Variants in TP73 observed in about 807,000 individuals in gnomAD.
The protein encoded by TP73 is p53-like transcription factor.
A neutral mutation model predicts 62.5 loss-of-function variants in TP73; 25 were observed. That is an observed-to-expected ratio of 0.40 (90% confidence interval 0.29 to 0.56). The LOEUF is 0.56. Among genes scored for constraint, TP73 ranks in the 20% least tolerant of loss-of-function variants. The pLI is 0.46. For synonymous variants in TP73, 423 were observed against 377.5 expected, an observed-to-expected ratio of 1.12 and a Z score of -1.40; for missense variants, 754 against 913.3, an observed-to-expected ratio of 0.83 and a Z score of 2.25.
At chr1:3,678,367 C>A (rs1645422168) in intron 1 of TP73, among the ~76,000 whole-genome samples, 1 of 151,960 alleles carries the variant, frequency 6.6e-6, no homozygotes, top group South Asian at 2.1e-4. Context: ...CGTCCCTGCA[C>A]CCCCAACAGA....
chr1:3,697,032 C>G (rs774408011), intron 3 of TP73, among the ~76,000 whole-genome samples: 2 of 152,182 alleles, frequency 1.3e-5, no homozygotes, highest in Non-Finnish European at 2.9e-5. Context: ...GGGATGGTGC[C>G]GTGTCTCAGC....
chr1:3,727,816 G>C, intron 8 of TP73, 46 bp downstream of exon 8: 1 of 1,483,078 alleles, frequency 6.7e-7, no homozygotes, highest in Non-Finnish European at 9.0e-7. Flanking sequence ...GAGGAGAAGG[G>C]GACACATTGG....
In TP73 at chr1:3,735,779, C is replaced by G. The variant is rs1642425511; in HGVS notation, c.*2700C>G. ...GCTCAGAGAGGCAAGGCAGAAGGAG[C>G]TCGCCAGGCAGGTCAGCTCACATCT... On this transcript the variant is annotated 3_prime_UTR_variant, in exon 14 of 14. Transcript: ENST00000378295. 6.6e-6 allele frequency: 1 copy of G among 152,218 alleles called. No homozygotes were observed. Among genetic ancestry groups the G allele is most frequent in the African/African-American group, 2.4e-5 (1 of 41,438 alleles). 9.4% of individuals were successfully genotyped at this position (152,218 alleles called of 1,614,324 possible).
In TP73 at chr1:3,672,408, G is replaced by A. The variant is rs1004869816; in HGVS notation, c.-33-9925G>A. Among the ~76,000 whole-genome samples, 4 of 152,082 alleles carry A rather than the reference G, an allele frequency of 2.6e-5. No homozygotes were observed. Among genetic ancestry groups the A allele is most frequent in the African/African-American group, 7.2e-5 (3 of 41,402 alleles). ...AGAAAGGGGGTGTGAGAGGAGGATC[G>A]GAGGGGGCAGAGGACAGGGATGTGT... is the stretch of plus-strand genomic sequence containing the variant. On this transcript the variant is annotated intron_variant, in intron 1 of 13. Coordinates refer to ENST00000378295, the MANE Select transcript of TP73 (RefSeq NM_005427.4). This position sits in a 1 kb window ranked among gnomAD's most constrained non-coding sequence, Gnocchi z 5.3.
intron 4 of TP73, among the ~76,000 whole-genome samples, chr1:3,721,794 A>G (rs943587606): frequency 6.6e-5 from 10 of 152,074 alleles, no homozygotes; most frequent in African/African-American, 2.4e-4. Context: ...ATGGAGCCCA[A>G]ATGACCCGAT....
chr1:3,700,938 T>C (rs1639109892), intron 3 of TP73, among the ~76,000 whole-genome samples: 1 of 152,176 alleles, frequency 6.6e-6, no homozygotes, highest in Non-Finnish European at 1.5e-5. Flanking sequence ...CCCCTCCAGC[T>C]CCTGGCCGGT....
chr1:3,706,566 C>T lies in TP73; in HGVS notation c.187-983C>T, dbSNP rs572033984. ...TGAGCCTCGGGGGTCACAGGGAAAGCGCTGTTTATACATGTGCAGTCTTCC... is the reference window on the plus strand; with the variant it reads ...TGAGCCTCGGGGGTCACAGGGAAAGTGCTGTTTATACATGTGCAGTCTTCC... On this transcript the variant is annotated intron_variant, in intron 3 of 13. Coordinates refer to ENST00000378295, the MANE Select transcript of TP73 (RefSeq NM_005427.4). Among the ~76,000 whole-genome samples, 5 of 152,114 alleles carry T rather than the reference C, an allele frequency of 3.3e-5. No homozygotes were observed. In the South Asian group the frequency reaches 6.2e-4, roughly 19 times the overall value.
rs528850578 is a variant in TP73 at position 3,697,355 on chromosome 1, AC to A, written c.187-10193del. ...CCCCCTGGGCTCCGTCTCTCCCTGC[AC>A]AGGCCCTCGGCCCTTCCTCTGGCTG... is the stretch of plus-strand genomic sequence containing the variant. On this transcript the variant is annotated intron_variant, in intron 3 of 13. Coordinates refer to ENST00000378295, the MANE Select transcript of TP73 (RefSeq NM_005427.4). 6.6e-5 allele frequency among the ~76,000 whole-genome samples: 10 copies of A among 152,278 alleles called. No homozygotes were observed. In the South Asian group the frequency reaches 2.1e-3, roughly 32 times the overall value.
Position 3,689,248 on chromosome 1 carries a change from AC to A in TP73, c.186+6073del, listed in dbSNP as rs1645745901. Among the ~76,000 whole-genome samples, 3 of 151,428 alleles carry A rather than the reference AC, an allele frequency of 2.0e-5. 1 individual carries two copies. The East Asian group carries it at 5.9e-4, about 30-fold the overall frequency. On this transcript the variant is annotated intron_variant, in intron 3 of 13. Transcript: ENST00000378295. ...GAACATCCAGTCTGGGCCCCAGCCG[AC>A]CCCCTGCAGGGGGCTTCCCAGAGAC...
chr1:3,678,866 A>C (rs1015326309), intron 1 of TP73, among the ~76,000 whole-genome samples: 2 of 152,160 alleles, frequency 1.3e-5, no homozygotes, highest in Admixed American at 1.3e-4. Flanking sequence ...ACACGCCTGC[A>C]CCTGGAGGCC....
intron 1 of TP73, among the ~76,000 whole-genome samples, chr1:3,655,948 C>T (rs1204824819): frequency 8.5e-5 from 13 of 152,138 alleles, no homozygotes; most frequent in African/African-American, 2.4e-4. Context: ...GAGGCTGAGG[C>T]GGGTGGATCA....
chr1:3,721,195 T>C (rs1361653092), intron 4 of TP73, among the ~76,000 whole-genome samples: 4 of 152,230 alleles, frequency 2.6e-5, no homozygotes, highest in East Asian at 3.9e-4. Flanking sequence ...GGTCCTCAGA[T>C]GGGCAGCCGG....
chr1:3,667,749 CAA>C (rs543070938), intron 1 of TP73, among the ~76,000 whole-genome samples: 29 of 85,396 alleles, frequency 3.4e-4, no homozygotes, highest in Non-Finnish European at 4.2e-4. Context: ...GATTCTGTCT[CAA>C]AAAAAAAAAA....
intron 11 of TP73, 141 bp from the exon 12 acceptor site, chr1:3,730,785 GC>G: frequency 8.6e-7 from 1 of 1,159,440 alleles, no homozygotes; most frequent in Non-Finnish European, 1.2e-6. Flanking sequence ...CAAGCCTCTA[GC>G]TGGCAGGGGT....
At chr1:3,671,637 C>T (rs1001174187) in intron 1 of TP73, among the ~76,000 whole-genome samples, 14 of 152,246 alleles carry the variant, frequency 9.2e-5, no homozygotes, top group African/African-American at 1.4e-4. Flanking sequence ...CTGAGATGTG[C>T]GGCCCTGGGC....
intron 1 of TP73, among the ~76,000 whole-genome samples, chr1:3,660,845 T>G (rs1203836009): frequency 6.6e-6 from 1 of 152,252 alleles, no homozygotes; most frequent in Non-Finnish European, 1.5e-5. Context: ...TGGCCTTGGC[T>G]AAAGATGTGA....
rs2124486116 is a variant in TP73, at chr1:3,723,432, G to A, written c.695G>A (p.Gly232Asp). The change falls in exon 6 of 14, where the codon GGC (glycine) becomes GAC (aspartate). Residue 232 changes from glycine (G) to aspartate (D), a missense_variant. This residue lies in a region of TP73 where 61 missense variants were observed against 133.2 expected (regional missense o/e 0.46). Transcript: ENST00000378295. The stretch of plus-strand genomic sequence containing the variant: ...CAGTATGTGGATGACCCTGTCACCG[G>A]CAGGCAGAGCGTCGTGGTGCCCTAT... ...LSQYVDDPVT[G>D]RQSVVVPYEP... 1 of 1,612,554 alleles carries A rather than the reference G, an allele frequency of 6.2e-7. No individual in the cohort carries two copies. The highest frequency in any genetic ancestry group is 8.5e-7 in the Non-Finnish European group (1 of 1,179,842).
intron 1 of TP73, among the ~76,000 whole-genome samples, chr1:3,657,746 G>A (rs1453892412): frequency 4.6e-5 from 7 of 152,126 alleles, no homozygotes; most frequent in Non-Finnish European, 1.0e-4. Flanking sequence ...GTCGGGGTTG[G>A]GCACAGCCGG....
Position 3,673,417 on chromosome 1 carries a change from T to C in TP73, c.-33-8916T>C, listed in dbSNP as rs115997737. Among the ~76,000 whole-genome samples the C allele has an allele frequency of 3.7e-3, 569 of 152,274 alleles. 4 individuals carry two copies. The highest frequency in any genetic ancestry group is 0.013 in the African/African-American group (535 of 41,556). On this transcript the variant is annotated intron_variant, in intron 1 of 13. Coordinates refer to ENST00000378295, the MANE Select transcript of TP73 (RefSeq NM_005427.4). ...CGGTCAATGGCAACTCGATACGGTT[T>C]ATGGGGCATCCACGGTGTGCCCAGA...
Sources: gnomAD v4.1 joint callset for allele counts (sites outside exome capture counted in the v4.1 genomes callset) on GRCh38, gnomAD v4.1.1 for gene constraint, gnomAD v4.1.1 regional missense constraint, Gnocchi (gnomAD v3.1) non-coding constraint, MANE v1.5 for transcripts, NCBI Gene and HGNC (gene_info 2026-07-23, HGNC 2026-07-21) for gene names.